Variants in PTPRT observed in about 807,000 individuals in gnomAD.
The protein encoded by PTPRT is receptor-type tyrosine-protein phosphatase T.
PTPRT carries 56 observed loss-of-function variants against 176.8 expected under a neutral mutation model. The ratio of observed to expected loss-of-function variants is 0.32; its 90% CI spans 0.26 to 0.40. PTPRT has a LOEUF of 0.40. Among genes scored for constraint, PTPRT ranks in the 10% least tolerant of loss-of-function variants. The probability of loss-of-function intolerance (pLI) is 1.00; values close to 1 mark genes in which losing one functional copy is unlikely to be tolerated. For missense variants in PTPRT, 1,540 were observed against 1,908.2 expected (o/e 0.81, Z 3.60); for synonymous variants, 783 against 739.0 (o/e 1.06, Z -0.96).
rs534003345 is a variant in PTPRT, at chr20:43,010,783, A to G, written c.89-124851T>C. Among the ~76,000 whole-genome samples, 42 of 152,122 alleles carry G rather than the reference A, an allele frequency of 2.8e-4. No homozygotes were observed. The South Asian group carries it at 8.7e-3, about 32-fold the overall frequency. On this transcript the variant is annotated intron_variant, in intron 1 of 30. Coordinates refer to ENST00000373187, the MANE Select transcript of PTPRT (RefSeq NM_007050.6). ...TTCAAGATTAATGCCCCCACTAACC[A>G]TGAGTACTAAGCAGGTTCTTCACGT...
chr20:43,130,139 G>A (rs1028107281), intron 1 of PTPRT, among the ~76,000 whole-genome samples: 2 of 152,210 alleles, frequency 1.3e-5, no homozygotes, highest in South Asian at 2.1e-4. Flanking sequence ...GATGATGTGA[G>A]TGGATAAGTG....
intron 7 of PTPRT, among the ~76,000 whole-genome samples, chr20:42,539,888 A>G (rs2072547664): frequency 6.6e-6 from 1 of 151,938 alleles, no homozygotes; most frequent in Non-Finnish European, 1.5e-5. Flanking sequence ...GGACAATAAC[A>G]AAAGTGTGGG....
intron 3 of PTPRT, among the ~76,000 whole-genome samples, chr20:42,783,606 A>G (rs2077246472): frequency 6.6e-6 from 1 of 152,136 alleles, no homozygotes; most frequent in Non-Finnish European, 1.5e-5. Flanking sequence ...CCCACCCAAT[A>G]GATAGCCAGC....
chr20:42,581,675 G>A (rs1248396572), intron 7 of PTPRT, among the ~76,000 whole-genome samples: 1 of 152,056 alleles, frequency 6.6e-6, no homozygotes, highest in East Asian at 1.9e-4. Context: ...GCATAGAGAA[G>A]GAAATAAAAC....
chr20:42,576,267 C>T (rs943050041), intron 7 of PTPRT, among the ~76,000 whole-genome samples: 5 of 152,174 alleles, frequency 3.3e-5, no homozygotes, highest in African/African-American at 1.2e-4. Context: ...TTCCTCTGAG[C>T]AATCCTCCCT....
chr20:42,730,332 A>G (rs2076441826), intron 6 of PTPRT, among the ~76,000 whole-genome samples: 1 of 152,188 alleles, frequency 6.6e-6, no homozygotes, highest in Non-Finnish European at 1.5e-5. Context: ...TGAATTGAAT[A>G]GCTGACTTCA....
At chr20:43,034,365 C>T (rs1986286329) in intron 1 of PTPRT, among the ~76,000 whole-genome samples, 1 of 152,040 alleles carries the variant, frequency 6.6e-6, no homozygotes, top group South Asian at 2.1e-4. Context: ...GAGCCCTATT[C>T]ACGATTGCTA....
In PTPRT at chr20:43,117,908, T is replaced by C. The variant is rs77711523; in HGVS notation, c.88+71738A>G. On this transcript the variant is annotated intron_variant, in intron 1 of 30. Coordinates refer to ENST00000373187, the MANE Select transcript of PTPRT (RefSeq NM_007050.6). ...TGTAAGGCTTAAATCTTCTTGTTCC[T>C]TTTGTAACTAGATAGCATCGACATT... 9.1e-4 allele frequency among the ~76,000 whole-genome samples: 139 copies of C among 152,338 alleles called. No individual in the cohort carries two copies. The East Asian group carries it at 0.023, about 25-fold the overall frequency.
chr20:42,774,800 C>T (rs2077110831), intron 4 of PTPRT, among the ~76,000 whole-genome samples: 1 of 152,204 alleles, frequency 6.6e-6, no homozygotes, highest in Non-Finnish European at 1.5e-5. Context: ...AGACCCTTGT[C>T]TCTGCTCCTT....
intron 1 of PTPRT, among the ~76,000 whole-genome samples, chr20:42,887,237 C>A (rs1459853289): frequency 1.3e-5 from 2 of 152,130 alleles, no homozygotes; most frequent in Non-Finnish European, 2.9e-5. Flanking sequence ...GTGATTAGGA[C>A]ATGAAGGCAG....
chr20:42,638,221 T>G (rs1033588763), intron 7 of PTPRT, among the ~76,000 whole-genome samples: 1 of 152,108 alleles, frequency 6.6e-6, no homozygotes, highest in Non-Finnish European at 1.5e-5. Flanking sequence ...GTGAGACAGG[T>G]TTGTTGCCAA....
chr20:42,066,377 A>G, the PTPRT span, among the ~76,000 whole-genome samples: 5 of 152,122 alleles, frequency 3.3e-5, no homozygotes, highest in African/African-American at 7.2e-5. Flanking sequence ...GGGGGTCATT[A>G]ATGATTTTAA....
intron 7 of PTPRT, among the ~76,000 whole-genome samples, chr20:42,527,153 C>T (rs192846865): frequency 6.6e-5 from 10 of 151,644 alleles, no homozygotes; most frequent in African/African-American, 9.7e-5. Context: ...TTAGTAGAGA[C>T]GGGGTTTCAC....
chr20:42,109,706 T>G (rs1348045533), intron 23 of PTPRT, among the ~76,000 whole-genome samples: 2 of 151,872 alleles, frequency 1.3e-5, no homozygotes, highest in Non-Finnish European at 1.5e-5. Context: ...AGTTTTTGTA[T>G]CTGTAAAATG....
intron 2 of PTPRT, among the ~76,000 whole-genome samples, chr20:42,828,226 C>T (rs111333048): frequency 5.5e-4 from 83 of 152,238 alleles, no homozygotes; most frequent in African/African-American, 1.5e-3. Flanking sequence ...GTGGAGCAAA[C>T]GTGACTTTTG....
intron 7 of PTPRT, among the ~76,000 whole-genome samples, chr20:42,674,851 A>G (rs2075472890): frequency 6.6e-6 from 1 of 152,100 alleles, no homozygotes; most frequent in Non-Finnish European, 1.5e-5. Flanking sequence ...TGAGATACTT[A>G]AGAATGGTTA....
At chr20:42,864,969 A>C (rs1296250896) in intron 2 of PTPRT, among the ~76,000 whole-genome samples, 2 of 152,216 alleles carry the variant, frequency 1.3e-5, no homozygotes, top group Middle Eastern at 3.2e-3. Context: ...CATCACCCAG[A>C]AAAGAAAAAT....
chr20:43,052,411 C>T lies in PTPRT; in HGVS notation c.88+137235G>A, dbSNP rs1269218828. Among the ~76,000 whole-genome samples, 3 of 152,322 alleles carry T rather than the reference C, an allele frequency of 2.0e-5. No homozygotes were observed. In the East Asian group the frequency reaches 5.8e-4, roughly 29 times the overall value. On this transcript the variant is annotated intron_variant, in intron 1 of 30. Coordinates refer to ENST00000373187, the MANE Select transcript of PTPRT (RefSeq NM_007050.6). ...TGTTTATTGGCTATTTGGTGTGTGC[C>T]ATGTACCATGCAAGGGTTGGGAACA...
chr20:42,859,526 A>G (rs1313605241), intron 2 of PTPRT, among the ~76,000 whole-genome samples: 5 of 151,716 alleles, frequency 3.3e-5, no homozygotes, highest in Admixed American at 2.6e-4. Context: ...TAATTATATC[A>G]ATCATTTTTT....
Sources: gnomAD v4.1 joint callset for allele counts (sites outside exome capture counted in the v4.1 genomes callset) on GRCh38, gnomAD v4.1.1 for gene constraint, MANE v1.5 for transcripts, NCBI Gene and HGNC (gene_info 2026-07-23, HGNC 2026-07-21) for gene names.